The following EBF4 variants were observed in gnomAD, a reference collection of about 807,000 sequenced individuals.
EBF4 encodes the protein EBF transcription factor 4, also known as transcription factor COE4.
Under a neutral mutation model 67.1 loss-of-function variants are expected in EBF4, and 34 were observed. The observed-to-expected ratio is 0.51, with a 90% CI of 0.39 to 0.67. EBF4 has a LOEUF of 0.67. EBF4 is among the 30% of genes least tolerant of loss of function. The pLI, the probability that EBF4 is intolerant of heterozygous loss-of-function variation, is 0.00. For synonymous variants in EBF4, 387 were observed against 377.7 expected (o/e 1.02, Z -0.29); for missense variants, 837 against 873.3 (o/e 0.96, Z 0.52).
intron 1 of EBF4, among the ~76,000 whole-genome samples, chr20:2,695,602 TG>T (rs1382022368): frequency 6.6e-6 from 1 of 152,210 alleles, no homozygotes. Flanking sequence ...CTCGCTTTGT[TG>T]TTCAGCTGAC....
intron 4 of EBF4, among the ~76,000 whole-genome samples, chr20:2,706,691 G>C (rs1174307310): frequency 6.6e-6 from 1 of 152,190 alleles, no homozygotes; most frequent in South Asian, 2.1e-4. Context: ...TTAGTCATTG[G>C]CTGGGAACCA....
intron 6 of EBF4, among the ~76,000 whole-genome samples, chr20:2,713,267 G>A (rs545016868): frequency 6.6e-6 from 1 of 152,314 alleles, no homozygotes; most frequent in East Asian, 1.9e-4. Context: ...TTTTAGCTGG[G>A]AGCATAGACA....
intron 1 of EBF4, among the ~76,000 whole-genome samples, chr20:2,703,863 A>G (rs1359990077): frequency 1.3e-5 from 2 of 152,142 alleles, no homozygotes; most frequent in African/African-American, 4.8e-5. Flanking sequence ...GCAAGATGAG[A>G]GCTGGGGCCG....
intron 6 of EBF4, among the ~76,000 whole-genome samples, chr20:2,737,261 A>G (rs74272828): frequency 1.1e-4 from 16 of 150,428 alleles, no homozygotes; most frequent in Admixed American, 2.6e-4. Context: ...AAAAAAAAAA[A>G]AAAAGAAAAG....
chr20:2,748,568 C>G, exon 7 of EBF4: 1 of 1,551,560 alleles, frequency 6.4e-7, no homozygotes, highest in Non-Finnish European at 8.7e-7. Flanking sequence ...CAAGTTCTTC[C>G]TCAAATGCAA....
intron 6 of EBF4, 116 bp from the exon 7 acceptor site, chr20:2,748,433 T>G: frequency 1.1e-6 from 1 of 929,524 alleles, no homozygotes; most frequent in Non-Finnish European, 1.6e-6. Context: ...TGTGCCTGAG[T>G]GGGAGCAGGC....
intron 6 of EBF4, among the ~76,000 whole-genome samples, chr20:2,742,189 C>A (rs1015842889): frequency 5.9e-5 from 9 of 152,162 alleles, no homozygotes; most frequent in African/African-American, 2.2e-4. Flanking sequence ...GTTTTCATAT[C>A]CTTACTTTAG....
chr20:2,735,620 A>C (rs992305902), intron 6 of EBF4, among the ~76,000 whole-genome samples: 1 of 152,230 alleles, frequency 6.6e-6, no homozygotes, highest in Non-Finnish European at 1.5e-5. Context: ...CCTGGGCACA[A>C]GTTAAAAGTG....
intron 14 of EBF4, among the ~76,000 whole-genome samples, chr20:2,752,759 G>A (rs1037330326): frequency 2.0e-5 from 3 of 152,244 alleles, no homozygotes; most frequent in Non-Finnish European, 4.4e-5. Context: ...GGGGTCCTGG[G>A]GCCAGAGTAC....
At position 2,696,151 on chromosome 20, in the gene EBF4, T is replaced by A. The variant is rs1417976827; in HGVS notation, c.137+2369T>A. On this transcript the variant is annotated intron_variant, in intron 1 of 16. Transcript: ENST00000609451. This position sits in a 1 kb window ranked among gnomAD's most constrained non-coding sequence, Gnocchi z 4.7. ...AAGCAGTATTTCCAAAGTACTTTTT[T>A]AAGATCATGTCTCTCTCCGATTACA... Among the ~76,000 whole-genome samples the A allele has an allele frequency of 3.3e-5, 5 of 152,204 alleles. No homozygotes were observed. The highest frequency in any genetic ancestry group is 7.2e-5 in the African/African-American group (3 of 41,456).
At position 2,693,999 on chromosome 20, in the gene EBF4, C is replaced by T. The variant is rs905436977; in HGVS notation, c.137+217C>T. On this transcript the variant is annotated intron_variant, in intron 1 of 16. Coordinates refer to ENST00000609451, the Ensembl canonical transcript of EBF4. This position sits in a 1 kb window ranked among gnomAD's most constrained non-coding sequence, Gnocchi z 4.6. Reference sequence around the variant, plus strand: ...CTTCTGCCTCCACTCCGGGCTGCCCCGGTAGATTTCTGACGGCCGCTCGCG... The same window carrying T: ...CTTCTGCCTCCACTCCGGGCTGCCCTGGTAGATTTCTGACGGCCGCTCGCG... 1.3e-5 allele frequency among the ~76,000 whole-genome samples: 2 copies of T among 152,226 alleles called. No homozygotes were observed. Among genetic ancestry groups the T allele is most frequent in the African/African-American group, 4.8e-5 (2 of 41,464 alleles).
intron 6 of EBF4, among the ~76,000 whole-genome samples, chr20:2,712,839 G>T (rs112426595): frequency 1.3e-5 from 2 of 152,118 alleles, no homozygotes; most frequent in South Asian, 4.1e-4. Context: ...ATAAGAAAAT[G>T]TTCCAAGAAG....
intron 14 of EBF4, among the ~76,000 whole-genome samples, chr20:2,752,884 C>G (rs541938067): frequency 1.4e-4 from 21 of 152,328 alleles, no homozygotes; most frequent in Admixed American, 1.3e-3. Context: ...CCTGGGACAC[C>G]GCCCCCTTCC....
intron 6 of EBF4, among the ~76,000 whole-genome samples, chr20:2,743,594 T>C (rs1274520587): frequency 6.6e-6 from 1 of 151,756 alleles, no homozygotes; most frequent in East Asian, 1.9e-4. Flanking sequence ...AGTGTGTGAG[T>C]GCGTGCGTAT....
intron 14 of EBF4, 36 bp downstream of exon 14, chr20:2,752,581 C>T (rs1369173089): frequency 1.6e-6 from 2 of 1,227,804 alleles, no homozygotes; most frequent in Non-Finnish European, 2.0e-6. Flanking sequence ...AGGTCTGGGG[C>T]CGGGGAGCGG....
In EBF4 at chr20:2,693,749, CG is replaced by C; in HGVS notation, c.107del (p.Gly36AlafsTer165). The C allele has an allele frequency of 7.4e-7, 1 of 1,345,596 alleles. No homozygotes were observed. Among genetic ancestry groups the C allele is most frequent in the South Asian group, 1.8e-5 (1 of 56,646 alleles). 83.4% of individuals were successfully genotyped at this position (1,345,596 alleles called of 1,614,324 possible). ...TCAGTGCGCTCCTGGATGCAGGGCG[CG>C]GGCATCCTGGACGCCAGCACCGCGG... On this transcript the variant is annotated frameshift_variant, in exon 1 of 17. Transcript: ENST00000609451. LOFTEE classifies it high-confidence loss of function. This position sits in a 1 kb window ranked among gnomAD's most constrained non-coding sequence, Gnocchi z 4.6.
In EBF4 at chr20:2,706,045, G is replaced by A; in HGVS notation, c.358+8G>A. ...GGCTGGTGTATAACAATGGTGAGTGGAGGCCCCTGCCCTACCCAGCCCTGC... is the reference window on the plus strand; with the variant it reads ...GGCTGGTGTATAACAATGGTGAGTGAAGGCCCCTGCCCTACCCAGCCCTGC... On this transcript the variant is annotated splice_region_variant and intron_variant, in intron 3 of 16. Transcript: ENST00000609451. 6.4e-7 allele frequency: 1 copy of A among 1,551,564 alleles called. No individual in the cohort carries two copies. The highest frequency in any genetic ancestry group is 1.2e-5 in the South Asian group (1 of 84,046).
At chr20:2,712,087 G>A (rs2087552067) in intron 6 of EBF4, among the ~76,000 whole-genome samples, 1 of 152,194 alleles carries the variant, frequency 6.6e-6, no homozygotes, top group Non-Finnish European at 1.5e-5. Flanking sequence ...AGGAAGGCAC[G>A]ACCATGCAGG....
chr20:2,719,274 G>A (rs1188948781), intron 6 of EBF4, among the ~76,000 whole-genome samples: 3 of 151,418 alleles, frequency 2.0e-5, no homozygotes, highest in Non-Finnish European at 4.4e-5. Flanking sequence ...TGTATTTTTT[G>A]TATTTGTTTG....
Sources: gnomAD v4.1 joint callset for allele counts (sites outside exome capture counted in the v4.1 genomes callset) on GRCh38, gnomAD v4.1.1 for gene constraint, Gnocchi (gnomAD v3.1) non-coding constraint, MANE v1.5 for transcripts, NCBI Gene and HGNC (gene_info 2026-07-23, HGNC 2026-07-21) for gene names.